Variants in ABCG2 observed in about 807,000 individuals in gnomAD.
The protein encoded by ABCG2 is broad substrate specificity ATP-binding cassette transporter ABCG2.
A neutral mutation model predicts 73.5 loss-of-function variants in ABCG2; 80 were observed. That is an observed-to-expected ratio of 1.09 (90% CI 0.91 to 1.31). The LOEUF (loss-of-function observed/expected upper bound fraction) is 1.31, where lower values mean the gene tolerates loss of function less well. Ranked by LOEUF, ABCG2 falls within the 50% of genes most tolerant of loss-of-function variation. ABCG2 has a pLI of 0.00. For synonymous variants in ABCG2, 269 were observed against 282.4 expected (o/e 0.95, Z 0.48); for missense variants, 796 against 786.2 (o/e 1.01, Z -0.15).
intron 1 of ABCG2, among the ~76,000 whole-genome samples, chr4:88,191,681 A>G (rs6854688): frequency 0.29 from 43,402 of 152,082 alleles, 6,863 homozygotes; most frequent in Middle Eastern, 0.42. Context: ...AGCATTATCC[A>G]TGGCAGCTAA....
chr4:88,107,286 C>G lies in ABCG2; in HGVS notation c.1195-20G>C, dbSNP rs764320552. The G allele has an allele frequency of 2.6e-6, 4 of 1,540,152 alleles. No individual in the cohort carries two copies. Among genetic ancestry groups the G allele is most frequent in the Non-Finnish European group, 3.5e-6 (4 of 1,134,858 alleles). ...AATGATCTTTTCAAAAAGAAAAATG[C>G]AAAAAAAGGGGAAGAGTTTCAATTA... On this transcript the variant is annotated intron_variant, in intron 9 of 15. Transcript: ENST00000237612.
chr4:88,097,390 T>A (rs1722056448), intron 13 of ABCG2, 63 bp downstream of exon 13: 1 of 1,575,848 alleles, frequency 6.3e-7, no homozygotes, highest in Non-Finnish European at 8.6e-7. Context: ...GACAAGTGAA[T>A]GTGCAGGAAG....
intron 1 of ABCG2, among the ~76,000 whole-genome samples, chr4:88,226,986 C>T (rs1730243626): frequency 6.6e-6 from 1 of 152,024 alleles, no homozygotes; most frequent in African/African-American, 2.4e-5. Flanking sequence ...GTGGTGCGTG[C>T]CTGTGGTCCC....
At chr4:88,227,449 AC>A (rs1397650733) in intron 1 of ABCG2, among the ~76,000 whole-genome samples, 8 of 152,020 alleles carry the variant, frequency 5.3e-5, no homozygotes, top group Admixed American at 1.3e-4. Context: ...GTACACTAAT[AC>A]CCCCTCGCTA....
At chr4:88,143,040 A>G (rs1725747834) in intron 1 of ABCG2, among the ~76,000 whole-genome samples, 1 of 152,234 alleles carries the variant, frequency 6.6e-6, no homozygotes, top group South Asian at 2.1e-4. Context: ...CCTATACAAT[A>G]TAGTATCACA....
At chr4:88,161,105 A>G (rs1727280406), upstream of ABCG2, among the ~76,000 whole-genome samples, 2 of 151,764 alleles carry the variant, frequency 1.3e-5, no homozygotes, top group African/African-American at 4.8e-5. Context: ...CTTGAGCCCA[A>G]GAATTCGAGA....
chr4:88,187,692 G>T (rs1356985334), intron 1 of ABCG2, among the ~76,000 whole-genome samples: 2 of 152,148 alleles, frequency 1.3e-5, no homozygotes, highest in Non-Finnish European at 2.9e-5. Context: ...CATATTGTAT[G>T]CCTATGTCAA....
chr4:88,224,538 C>T (rs1451473357), intron 1 of ABCG2, among the ~76,000 whole-genome samples: 2 of 151,924 alleles, frequency 1.3e-5, no homozygotes, highest in Non-Finnish European at 2.9e-5. Flanking sequence ...GTTGCCCAGG[C>T]TGGAATGCAG....
intron 11 of ABCG2, among the ~76,000 whole-genome samples, chr4:88,100,147 C>T (rs1009582443): frequency 2.0e-5 from 3 of 150,486 alleles, no homozygotes; most frequent in African/African-American, 7.3e-5. Flanking sequence ...TTGAAAAATA[C>T]CCAGCCTGGG....
chr4:88,188,616 T>C (rs1048620071), intron 1 of ABCG2, among the ~76,000 whole-genome samples: 1 of 129,758 alleles, frequency 7.7e-6, no homozygotes, highest in African/African-American at 3.0e-5. Flanking sequence ...TTCATTTGAA[T>C]TTTAGAATGG....
At chr4:88,188,742 A>G (rs999481988) in intron 1 of ABCG2, among the ~76,000 whole-genome samples, 1 of 152,188 alleles carries the variant, frequency 6.6e-6, no homozygotes, top group Non-Finnish European at 1.5e-5. Flanking sequence ...CAGGCTGCGC[A>G]GTGGCTCATG....
chr4:88,131,171 G>T lies in ABCG2; in HGVS notation c.421C>A (p.Gln141Lys), dbSNP rs2231142. Residue 141 changes from glutamine (Q) to lysine (K), a missense_variant, in exon 5 of 16, where the codon CAG (glutamine) becomes AAG (lysine). Coordinates refer to ENST00000237612, the MANE Select transcript of ABCG2 (RefSeq NM_004827.3). ...GCAAGCCGAAGAGCTGCTGAGAACT[G>T]TAAGTTTTCTCTCACCGTCAGAGTG... is the stretch of plus-strand genomic sequence containing the variant. ...MGTLTVRENL[Q>K]FSAALRLATT... 0.11 allele frequency: 180,512 copies of T among 1,613,854 alleles called. 12,079 individuals carry two copies. Among genetic ancestry groups the T allele is most frequent in the East Asian group, 0.3 (13,373 of 44,848 alleles).
chr4:88,178,976 C>A (rs577025955), intron 1 of ABCG2, among the ~76,000 whole-genome samples: 13 of 152,126 alleles, frequency 8.5e-5, no homozygotes, highest in East Asian at 3.9e-4. Context: ...AACTTGCTGC[C>A]CTGAAGGGAA....
At chr4:88,149,580 G>A (rs751360686) in intron 1 of ABCG2, among the ~76,000 whole-genome samples, 16 of 152,308 alleles carry the variant, frequency 1.1e-4, no homozygotes, top group Non-Finnish European at 2.4e-4. Flanking sequence ...GGCCGGGCAT[G>A]GTGGTTCATG....
At chr4:88,140,111 T>C in intron 1 of ABCG2, 97 bp from the exon 2 acceptor site, 1 of 1,031,876 alleles carries the variant, frequency 9.7e-7, no homozygotes, top group Non-Finnish European at 1.4e-6. Context: ...TTTTTAAATG[T>C]GCGGCAATGA....
chr4:88,186,203 T>A (rs529738781), intron 1 of ABCG2, among the ~76,000 whole-genome samples: 1 of 152,318 alleles, frequency 6.6e-6, no homozygotes, highest in South Asian at 2.1e-4. Context: ...GATCCTGGCA[T>A]CTGCAACAAT....
At chr4:88,139,429 A>G (rs1560705486) in intron 2 of ABCG2, among the ~76,000 whole-genome samples, 1 of 151,776 alleles carries the variant, frequency 6.6e-6, no homozygotes, top group Non-Finnish European at 1.5e-5. Flanking sequence ...AATTTTTTGT[A>G]TTTTCAGTAG....
At chr4:88,185,624 A>G (rs973441437) in intron 1 of ABCG2, among the ~76,000 whole-genome samples, 9 of 152,236 alleles carry the variant, frequency 5.9e-5, no homozygotes, top group Non-Finnish European at 1.2e-4. Context: ...AGGGATTAAT[A>G]ACCAGAATGT....
chr4:88,149,240 A>G (rs67187416), intron 1 of ABCG2, among the ~76,000 whole-genome samples: 7,826 of 152,286 alleles, frequency 0.051, 233 homozygotes, highest in Middle Eastern at 0.068. Context: ...ATAAATAAAT[A>G]AAAGAATTCT....
Sources: allele counts gnomAD v4.1 joint callset (sites outside exome capture counted in the v4.1 genomes callset), GRCh38; gene constraint gnomAD v4.1.1; transcripts MANE v1.5; gene names NCBI Gene and HGNC (gene_info 2026-07-23, HGNC 2026-07-21).